The following VPS37A variants were observed in gnomAD, a reference collection of about 807,000 sequenced individuals.
VPS37A encodes the protein vacuolar protein sorting-associated protein 37A.
Under a neutral mutation model 49.8 loss-of-function variants are expected in VPS37A, and 30 were observed. The ratio of observed to expected loss-of-function variants is 0.60; its 90% CI spans 0.45 to 0.82. The LOEUF is 0.82. Ranked by LOEUF, VPS37A falls within the 40% of genes least tolerant of loss-of-function variation. VPS37A has a pLI of 0.00. For synonymous variants in VPS37A, 195 were observed against 160.6 expected (o/e 1.21, Z -1.62); for missense variants, 593 against 464.4 (o/e 1.28, Z -2.55).
At chr8:17,308,111 G>A in the VPS37A span, among the ~76,000 whole-genome samples, 4 of 151,990 alleles carry the variant, frequency 2.6e-5, no homozygotes, top group South Asian at 6.2e-4. Context: ...ATTTATATTT[G>A]CATAAAGGGA....
At chr8:17,301,377 AC>A (rs1334844305), downstream of VPS37A, among the ~76,000 whole-genome samples, 1 of 152,190 alleles carries the variant, frequency 6.6e-6, no homozygotes, top group Non-Finnish European at 1.5e-5. Context: ...TTAAACTTGG[AC>A]ATTCTGGTGA....
downstream of VPS37A, chr8:17,301,850 C>G (rs1358276546): frequency 2.5e-6 from 1 of 402,482 alleles, no homozygotes; most frequent in East Asian, 3.8e-5. Context: ...CTTTTTCACA[C>G]TTTCCAGAAA....
chr8:17,300,277 T>G (rs13257763), downstream of VPS37A: 252,820 of 1,533,204 alleles, frequency 0.16, 23,216 homozygotes, highest in Non-Finnish European at 0.19. Context: ...CTTATCTTTT[T>G]CTATATATGC....
At chr8:17,272,138 C>T (rs528137174) in intron 4 of VPS37A, 19 of 454,532 alleles carry the variant, frequency 4.2e-5, no homozygotes, top group Middle Eastern at 3.3e-4. Flanking sequence ...GTTCTCCTTC[C>T]GGTGACCATC....
intron 1 of VPS37A, chr8:17,247,803 A>G (rs1811453315): frequency 1.4e-6 from 1 of 701,862 alleles, no homozygotes; most frequent in Admixed American, 2.0e-5. Context: ...CTGTTGCAAC[A>G]TCAAAGGAAA....
intron 11 of VPS37A, among the ~76,000 whole-genome samples, chr8:17,293,149 C>T (rs1264994331): frequency 6.6e-6 from 1 of 151,810 alleles, no homozygotes. Context: ...TTGTTTGTTC[C>T]TTTTTATTCT....
chr8:17,304,953 C>T (rs1010639871), downstream of VPS37A, among the ~76,000 whole-genome samples: 2 of 152,028 alleles, frequency 1.3e-5, no homozygotes, highest in African/African-American at 2.4e-5. Flanking sequence ...TCCCAAAGTC[C>T]TATAGCTAGT....
chr8:17,317,544 G>A, the VPS37A span, among the ~76,000 whole-genome samples: 3 of 152,050 alleles, frequency 2.0e-5, no homozygotes, highest in African/African-American at 4.8e-5. Context: ...GAGTCCCTGC[G>A]GTCAACGTTT....
chr8:17,299,254 A>T (rs1341233344), downstream of VPS37A: 1 of 152,266 alleles, frequency 6.6e-6, no homozygotes, highest in Non-Finnish European at 1.5e-5. Flanking sequence ...TCTCAGAGAA[A>T]AGCAACAAAA....
intron 1 of VPS37A, among the ~76,000 whole-genome samples, chr8:17,254,312 G>A (rs996438115): frequency 2.6e-5 from 4 of 152,136 alleles, no homozygotes; most frequent in Non-Finnish European, 4.4e-5. Flanking sequence ...CATGGGGTTA[G>A]TAACTTCCTG....
chr8:17,293,467 A>G (rs540967028), intron 11 of VPS37A, among the ~76,000 whole-genome samples: 8 of 152,122 alleles, frequency 5.3e-5, no homozygotes, highest in South Asian at 4.1e-4. Flanking sequence ...TCAATTCATC[A>G]AACTCATTCT....
downstream of VPS37A, chr8:17,299,872 A>G: frequency 6.2e-7 from 1 of 1,614,030 alleles, no homozygotes. Context: ...TCAGGCAGTG[A>G]GAAACACGGC....
At chr8:17,275,737 C>T (rs1224422899) in intron 5 of VPS37A, among the ~76,000 whole-genome samples, 1 of 152,174 alleles carries the variant, frequency 6.6e-6, no homozygotes, top group African/African-American at 2.4e-5. Context: ...TTAAAACCCT[C>T]AGTGAATATC....
the VPS37A span, among the ~76,000 whole-genome samples, chr8:17,307,578 C>T: frequency 6.6e-6 from 1 of 152,152 alleles, no homozygotes; most frequent in Non-Finnish European, 1.5e-5. Flanking sequence ...TATAAAGACA[C>T]ATGCACATGA....
chr8:17,310,099 C>G, the VPS37A span, among the ~76,000 whole-genome samples: 4 of 152,094 alleles, frequency 2.6e-5, no homozygotes, highest in African/African-American at 9.7e-5. Flanking sequence ...CTCCTGAGCT[C>G]GAGCGATCCT....
chr8:17,296,338 A>AT lies in VPS37A; in HGVS notation c.*1353dup, dbSNP rs1816631426. The AT allele has an allele frequency of 6.6e-6, 1 of 152,226 alleles. No individual in the cohort carries two copies. The highest frequency in any genetic ancestry group is 1.5e-5 in the Non-Finnish European group (1 of 68,032). 9.4% of individuals were successfully genotyped at this position (152,226 alleles called of 1,614,324 possible). ...GTCTTCCTGACACTGTGCTAAGGACATGCTGTTAAAGCTTCAAAGTGACCA... is the reference window on the plus strand; with the variant it reads ...GTCTTCCTGACACTGTGCTAAGGACATTGCTGTTAAAGCTTCAAAGTGACCA... On this transcript the variant is annotated 3_prime_UTR_variant, in exon 12 of 12. Coordinates refer to ENST00000324849, the MANE Select transcript of VPS37A (RefSeq NM_152415.3).
At chr8:17,264,963 G>C (rs1797644958) in intron 1 of VPS37A, among the ~76,000 whole-genome samples, 1 of 152,084 alleles carries the variant, frequency 6.6e-6, no homozygotes, top group Non-Finnish European at 1.5e-5. Flanking sequence ...AAGTATCAGG[G>C]ACTTAGAAGC....
intron 11 of VPS37A, among the ~76,000 whole-genome samples, chr8:17,289,636 T>C (rs10112427): frequency 0.41 from 62,576 of 152,018 alleles, 14,968 homozygotes; most frequent in East Asian, 0.72. Context: ...GGTAGCATGA[T>C]GCCTGCCGCC....
In VPS37A at chr8:17,284,978, A is replaced by G. The variant is rs115139240; in HGVS notation, c.1113+362A>G. Among the ~76,000 whole-genome samples the G allele has an allele frequency of 5.3e-3, 800 of 152,270 alleles. 8 individuals carry two copies. Among genetic ancestry groups the G allele is most frequent in the African/African-American group, 0.018 (761 of 41,542 alleles). ...GTGGCTATTTCCTGTCTGGTATGTC[A>G]GAGGAACAGTCCTGGTCAGAAGGGG... On this transcript the variant is annotated intron_variant, in intron 10 of 11. Transcript: ENST00000324849.
Sources: gnomAD v4.1 joint callset for allele counts (sites outside exome capture counted in the v4.1 genomes callset) on GRCh38, gnomAD v4.1.1 for gene constraint, MANE v1.5 for transcripts, NCBI Gene and HGNC (gene_info 2026-07-23, HGNC 2026-07-21) for gene names.